The following ATP8A2 variants were observed in gnomAD, a reference collection of about 807,000 sequenced individuals.
The protein encoded by ATP8A2 is ATPase phospholipid transporting 8A2.
A neutral mutation model predicts 165.6 loss-of-function variants in ATP8A2; 100 were observed. The observed-to-expected ratio is 0.60, with a 90% CI of 0.51 to 0.71. ATP8A2 has a LOEUF of 0.71. Ranked by LOEUF, ATP8A2 falls within the 30% of genes least tolerant of loss-of-function variation. The pLI is 0.00. For missense variants in ATP8A2, 1,227 were observed against 1,479.5 expected (o/e 0.83, Z 2.80); for synonymous variants, 543 against 548.8 (o/e 0.99, Z 0.15).
At chr13:25,874,533 C>A (rs1191925681) in intron 33 of ATP8A2, among the ~76,000 whole-genome samples, 1 of 152,196 alleles carries the variant, frequency 6.6e-6, no homozygotes, top group Non-Finnish European at 1.5e-5. Flanking sequence ...GGGATGGCCA[C>A]TCTTAGAAAC....
At chr13:25,822,564 A>G (rs1461293649) in intron 27 of ATP8A2, among the ~76,000 whole-genome samples, 1 of 152,134 alleles carries the variant, frequency 6.6e-6, no homozygotes, top group African/African-American at 2.4e-5. Context: ...CCCTGTGATC[A>G]CACTCCATAT....
In ATP8A2 at chr13:25,530,092, A is replaced by T; in HGVS notation, c.315A>T (p.Leu105Phe). The change falls in exon 3 of 37, where the codon TTA becomes TTT. Residue 105 changes from leucine to phenylalanine, a missense_variant. Physicochemically the swap from Leu to Phe is conservative, Grantham distance 22. Transcript: ENST00000381655. ...ATGCCTTCTTTCTCTTCATTGCCTT[A>T]TTACAGGTAATGGTTTTTTAACAGT... ...AANAFFLFIA[L>F]LQQIPDVSPT... is the part of the protein sequence containing the mutation. 6.3e-7 allele frequency: 1 copy of T among 1,576,684 alleles called. No homozygotes were observed. Among genetic ancestry groups the T allele is most frequent in the Non-Finnish European group, 8.7e-7 (1 of 1,148,350 alleles).
chr13:25,574,928 A>T, intron 19 of ATP8A2, 71 bp downstream of exon 19: 2 of 834,650 alleles, frequency 2.4e-6, no homozygotes, highest in Admixed American at 4.3e-5. Flanking sequence ...GAGTGTTTAC[A>T]TGATTGTATG....
At chr13:25,590,196 A>G (rs928269867) in intron 24 of ATP8A2, among the ~76,000 whole-genome samples, 2 of 152,162 alleles carry the variant, frequency 1.3e-5, no homozygotes, top group Non-Finnish European at 1.5e-5. Context: ...AGGCGGAGGC[A>G]GAAGGATCGC....
chr13:25,798,253 G>A (rs1051676990), intron 27 of ATP8A2, among the ~76,000 whole-genome samples: 2 of 152,176 alleles, frequency 1.3e-5, no homozygotes, highest in Non-Finnish European at 2.9e-5. Context: ...ATTCTTCTGT[G>A]AAGACATATA....
intron 30 of ATP8A2, among the ~76,000 whole-genome samples, chr13:25,858,748 G>A (rs774953810): frequency 5.3e-5 from 8 of 152,112 alleles, no homozygotes; most frequent in African/African-American, 1.4e-4. Flanking sequence ...CCCAGCCTGC[G>A]GGCCACAGAC....
At chr13:25,660,525 A>G (rs186108008) in intron 24 of ATP8A2, among the ~76,000 whole-genome samples, 2 of 152,192 alleles carry the variant, frequency 1.3e-5, no homozygotes, top group Non-Finnish European at 2.9e-5. Flanking sequence ...TTTACGAATG[A>G]TGTTGGCAGA....
At chr13:25,440,837 GTTCT>G (rs1292421531) in intron 1 of ATP8A2, among the ~76,000 whole-genome samples, 1 of 152,108 alleles carries the variant, frequency 6.6e-6, no homozygotes, top group African/African-American at 2.4e-5. Flanking sequence ...TATTTATGGA[GTTCT>G]TTTTCAGTTT....
intron 25 of ATP8A2, among the ~76,000 whole-genome samples, chr13:25,726,972 T>C (rs2043508156): frequency 6.6e-6 from 1 of 152,120 alleles, no homozygotes; most frequent in African/African-American, 2.4e-5. Context: ...TACATACATG[T>C]GTACATTTCA....
intron 1 of ATP8A2, among the ~76,000 whole-genome samples, chr13:25,453,314 A>G (rs1279697315): frequency 5.3e-5 from 8 of 151,608 alleles, no homozygotes; most frequent in African/African-American, 9.7e-5. Flanking sequence ...TTTAGTAAAG[A>G]GGGGTTTCCT....
intron 34 of ATP8A2, 149 bp downstream of exon 34, chr13:25,961,812 T>G (rs1433728132): frequency 4.8e-6 from 3 of 623,500 alleles, no homozygotes; most frequent in African/African-American, 3.7e-5. Context: ...AAAAAAAATT[T>G]TTTTAGTTTA....
chr13:25,531,273 T>TATATATGTTATATATG (rs2038055176), intron 4 of ATP8A2, among the ~76,000 whole-genome samples: 1 of 54,956 alleles, frequency 1.8e-5, no homozygotes, highest in African/African-American at 6.0e-5. Context: ...ATATATATGA[T>TATATATGTTATATATG]ATATATGTTA....
In ATP8A2 at chr13:26,019,982, AT is replaced by A. The variant is rs766272168; in HGVS notation, c.3565del (p.Ter1189LysfsTer3). 6.2e-7 allele frequency: 1 copy of A among 1,606,876 alleles called. No homozygotes were observed. The highest frequency in any genetic ancestry group is 1.1e-5 in the South Asian group (1 of 90,910). ...DTTKKKSRKK[*>X] ...CCACCAAAAAGAAATCCAGGAAGAA[AT>A]AAGACATGAATTTTCCTGACTGATC... On this transcript the variant is annotated frameshift_variant and stop_lost, in exon 37 of 37. Coordinates refer to ENST00000381655, the MANE Select transcript of ATP8A2 (RefSeq NM_016529.6). LOFTEE classifies it high-confidence loss of function.
chr13:25,594,984 G>GTGTGTATATA (rs150738527), intron 24 of ATP8A2, among the ~76,000 whole-genome samples: 1 of 142,818 alleles, frequency 7.0e-6, no homozygotes, highest in Non-Finnish European at 1.5e-5. Flanking sequence ...GTGTGTGTGT[G>GTGTGTATATA]TATATATATA....
At chr13:25,845,133 T>C (rs1951828181) in intron 30 of ATP8A2, among the ~76,000 whole-genome samples, 1 of 152,216 alleles carries the variant, frequency 6.6e-6, no homozygotes, top group Non-Finnish European at 1.5e-5. Flanking sequence ...ATCACAGCCA[T>C]ACACTTACTG....
At chr13:25,994,304 A>G (rs1158783504) in intron 35 of ATP8A2, among the ~76,000 whole-genome samples, 2 of 151,940 alleles carry the variant, frequency 1.3e-5, no homozygotes, top group Non-Finnish European at 2.9e-5. Flanking sequence ...TTTCCAGACA[A>G]TTATGTCATC....
chr13:25,474,327 C>T (rs984967743), intron 2 of ATP8A2, among the ~76,000 whole-genome samples: 6 of 152,058 alleles, frequency 3.9e-5, no homozygotes, highest in Admixed American at 1.3e-4. Context: ...TTTGGGAGGC[C>T]GAGGTAGGCA....
intron 35 of ATP8A2, among the ~76,000 whole-genome samples, chr13:25,976,551 T>C (rs1005675887): frequency 6.6e-6 from 1 of 151,730 alleles, no homozygotes; most frequent in African/African-American, 2.4e-5. Context: ...GCTTACCTTC[T>C]AGCATGGTCT....
intron 11 of ATP8A2, among the ~76,000 whole-genome samples, chr13:25,552,754 A>G (rs1398847472): frequency 6.6e-6 from 1 of 152,178 alleles, no homozygotes. Context: ...TCAGGAAGAA[A>G]AGCAACCAGC....
Sources: gnomAD v4.1 joint callset for allele counts (sites outside exome capture counted in the v4.1 genomes callset) on GRCh38, gnomAD v4.1.1 for gene constraint, MANE v1.5 for transcripts, NCBI Gene and HGNC (gene_info 2026-07-23, HGNC 2026-07-21) for gene names.